Variants in SOX13 observed in about 807,000 individuals in gnomAD.
The protein encoded by SOX13 is SRY-box transcription factor 13.
In SOX13, 28 loss-of-function variants were observed where a neutral mutation model predicts 71.8. That is an observed-to-expected ratio of 0.39 (90% CI 0.29 to 0.53). The LOEUF (loss-of-function observed/expected upper bound fraction) is 0.53, where lower values mean the gene tolerates loss of function less well. Ranked by LOEUF, SOX13 falls within the 20% of genes least tolerant of loss-of-function variation. The probability of loss-of-function intolerance (pLI) is 0.70; values close to 1 mark genes in which losing one functional copy is unlikely to be tolerated. For missense variants in SOX13, 627 were observed against 810.3 expected, an observed-to-expected ratio of 0.77 and a Z score of 2.75; for synonymous variants, 309 against 317.8, an observed-to-expected ratio of 0.97 and a Z score of 0.29.
At position 204,073,589 on chromosome 1, in the gene SOX13, CCG is replaced by C. The variant is rs1655715983; in HGVS notation, c.-122_-121del. On this transcript the variant is annotated 5_prime_UTR_variant, in exon 1 of 14. Coordinates refer to ENST00000367204, the MANE Select transcript of SOX13 (RefSeq NM_005686.3). This position sits in a 1 kb window ranked among gnomAD's most constrained non-coding sequence, Gnocchi z 6.8. ...GCCCAGCCTCCCCAACCCGGCCCGC[CCG>C]CCGCGTCGCGGGGGCATGTGAGCGG... is the stretch of plus-strand genomic sequence containing the variant. 6.6e-6 allele frequency: 1 copy of C among 151,734 alleles called. No individual in the cohort carries two copies. Among genetic ancestry groups the C allele is most frequent in the Non-Finnish European group, 1.5e-5 (1 of 67,882 alleles). 9.4% of individuals were successfully genotyped at this position (151,734 alleles called of 1,614,324 possible). A position where few individuals can be genotyped will look rare whatever the true frequency, so the allele number is the denominator to read the frequency against.
chr1:204,093,107 A>ATAGGGACG (rs1202450517), intron 1 of SOX13, among the ~76,000 whole-genome samples: 2 of 152,174 alleles, frequency 1.3e-5, no homozygotes, highest in African/African-American at 4.8e-5. Flanking sequence ...GTGTATCAGC[A>ATAGGGACG]TAGGGACGTG....
chr1:204,094,357 T>C (rs1387247338), intron 1 of SOX13, among the ~76,000 whole-genome samples: 8 of 152,194 alleles, frequency 5.3e-5, no homozygotes, highest in Non-Finnish European at 1.2e-4. Context: ...GCAATTATTT[T>C]TTCCCCTCCA....
At chr1:204,101,998 A>G (rs1453588334) in intron 1 of SOX13, among the ~76,000 whole-genome samples, 4 of 152,212 alleles carry the variant, frequency 2.6e-5, no homozygotes, top group African/African-American at 9.7e-5. Context: ...GGAGTTCAGG[A>G]CCAGCCTGGG....
intron 4 of SOX13, chr1:204,116,026 A>C: frequency 2.3e-6 from 1 of 444,208 alleles, no homozygotes; most frequent in South Asian, 2.2e-5. Flanking sequence ...ATGCCCACTT[A>C]CCAAGATTTT....
intron 1 of SOX13, among the ~76,000 whole-genome samples, chr1:204,091,871 T>C (rs1656152704): frequency 6.6e-6 from 1 of 152,162 alleles, no homozygotes; most frequent in African/African-American, 2.4e-5. Context: ...CGTGAGCCAC[T>C]GTGCCCCACC....
chr1:204,093,968 C>T (rs1255229420), intron 1 of SOX13, among the ~76,000 whole-genome samples: 2 of 152,162 alleles, frequency 1.3e-5, no homozygotes, highest in Non-Finnish European at 2.9e-5. Context: ...CCTGCCTATA[C>T]TTTTGTCTCT....
At chr1:204,121,711 C>T (rs1656808897) in intron 7 of SOX13, among the ~76,000 whole-genome samples, 189 bp from the exon 8 acceptor site, 1 of 152,128 alleles carries the variant, frequency 6.6e-6, no homozygotes, top group Non-Finnish European at 1.5e-5. Flanking sequence ...AGTCAGTGTG[C>T]AGGGGCAGTG....
chr1:204,121,653 ACT>A (rs1656807843), intron 7 of SOX13, among the ~76,000 whole-genome samples: 1 of 151,822 alleles, frequency 6.6e-6, no homozygotes, highest in Non-Finnish European at 1.5e-5. Flanking sequence ...AATCTGGGAA[ACT>A]CTATTTAGAG....
In SOX13 at chr1:204,123,659, A is replaced by G; in HGVS notation, c.1232-2A>G. ...TTGGCTGACTTCACTCCTGTCTCCC[A>G]GGCTCCCGCCACTTCCCCGAGTCCC... On this transcript the variant is annotated splice_acceptor_variant, in intron 11 of 13. Transcript: ENST00000367204. LOFTEE classifies it high-confidence loss of function. This position sits in a 1 kb window ranked among gnomAD's most constrained non-coding sequence, Gnocchi z 5.0. 6.2e-7 allele frequency: 1 copy of G among 1,612,544 alleles called. No individual in the cohort carries two copies. The highest frequency in any genetic ancestry group is 8.5e-7 in the Non-Finnish European group (1 of 1,179,408).
At chr1:204,102,487 C>T (rs1442937578) in intron 1 of SOX13, among the ~76,000 whole-genome samples, 1 of 152,080 alleles carries the variant, frequency 6.6e-6, no homozygotes. Flanking sequence ...GTGGGGCTTC[C>T]TTGGCAGATT....
intron 1 of SOX13, among the ~76,000 whole-genome samples, chr1:204,091,492 A>G (rs1269093197): frequency 2.0e-5 from 3 of 152,186 alleles, no homozygotes; most frequent in African/African-American, 7.2e-5. Flanking sequence ...ATTATGTGAA[A>G]GGCACTGGGC....
At position 204,126,053 on chromosome 1, in the gene SOX13, C is replaced by T. The variant is rs764729804; in HGVS notation, c.1788C>T (p.Gly596=). The change falls in exon 14 of 14, where the codon GGC becomes GGT. Residue 596 remains glycine (G), a synonymous_variant. Coordinates refer to ENST00000367204, the MANE Select transcript of SOX13 (RefSeq NM_005686.3). Reference sequence around the variant, plus strand: ...ATGACAGGCACTCGGTGGCTGATGGCGAGATGTACCGGTACAGCGAGGACG... The same window carrying T: ...ATGACAGGCACTCGGTGGCTGATGGTGAGATGTACCGGTACAGCGAGGACG... ...GTDDRHSVAD[G]EMYRYSEDED... is the part of the protein sequence containing the mutation. The T allele has an allele frequency of 1.7e-5, 27 of 1,613,882 alleles. 1 individual carries two copies. The highest frequency in any genetic ancestry group is 1.6e-4 in the Middle Eastern group (1 of 6,062).
intron 2 of SOX13, among the ~76,000 whole-genome samples, chr1:204,113,450 G>T (rs1056049736): frequency 6.6e-6 from 1 of 152,126 alleles, no homozygotes; most frequent in Admixed American, 6.5e-5. Context: ...CTAAAGTTTG[G>T]CTTTAAAGTA....
At chr1:204,109,719 C>A (rs1006991652) in intron 1 of SOX13, among the ~76,000 whole-genome samples, 2 of 152,184 alleles carry the variant, frequency 1.3e-5, no homozygotes, top group Non-Finnish European at 2.9e-5. Context: ...TCCAAAGATA[C>A]TAAAATGTGC....
chr1:204,087,047 C>T (rs942750488), intron 1 of SOX13, among the ~76,000 whole-genome samples: 5 of 152,090 alleles, frequency 3.3e-5, no homozygotes, highest in Admixed American at 6.5e-5. Flanking sequence ...CTCAGCCTCC[C>T]GAGTAAGCTG....
At chr1:204,101,316 G>T (rs1409663312) in intron 1 of SOX13, among the ~76,000 whole-genome samples, 1 of 152,090 alleles carries the variant, frequency 6.6e-6, no homozygotes, top group Admixed American at 6.6e-5. Flanking sequence ...GCCCACTTTG[G>T]GAGTGGGCTG....
At chr1:204,086,227 T>C (rs1227440866) in intron 1 of SOX13, among the ~76,000 whole-genome samples, 1 of 152,212 alleles carries the variant, frequency 6.6e-6, no homozygotes, top group Non-Finnish European at 1.5e-5. Flanking sequence ...TGTGTCTATC[T>C]TCCCTCCCCC....
chr1:204,107,366 C>T (rs764298000), intron 1 of SOX13, among the ~76,000 whole-genome samples: 1 of 152,190 alleles, frequency 6.6e-6, no homozygotes, highest in African/African-American at 2.4e-5. Context: ...TTTATAGACA[C>T]AGCTTGCAGG....
intron 4 of SOX13, 199 bp from the exon 5 acceptor site, chr1:204,116,308 G>A: frequency 6.5e-7 from 1 of 1,535,174 alleles, no homozygotes; most frequent in South Asian, 1.2e-5. Context: ...GAACTTCTAG[G>A]CTAGTAGTTG....
Sources: gnomAD v4.1 joint callset for allele counts (sites outside exome capture counted in the v4.1 genomes callset) on GRCh38, gnomAD v4.1.1 for gene constraint, Gnocchi (gnomAD v3.1) non-coding constraint, MANE v1.5 for transcripts, NCBI Gene and HGNC (gene_info 2026-07-23, HGNC 2026-07-21) for gene names.